Variants in EVC observed in about 807,000 individuals in gnomAD.
EVC encodes EvC ciliary complex subunit 1, also known as evC complex member EVC.
EVC carries 116 observed loss-of-function variants against 118.9 expected under a neutral mutation model. The observed-to-expected ratio is 0.98, with a 90% CI of 0.84 to 1.14. The LOEUF is 1.14. Among genes scored for constraint, EVC ranks in the 50% most tolerant of loss-of-function variants. The probability of loss-of-function intolerance (pLI) is 0.00; values close to 1 mark genes in which losing one functional copy is unlikely to be tolerated. For synonymous variants in EVC, 619 were observed against 534.7 expected (o/e 1.16, Z -2.18); for missense variants, 1,401 against 1,246.4 (o/e 1.12, Z -1.87).
chr4:5,782,030 A>T (rs1426660331), intron 11 of EVC, among the ~76,000 whole-genome samples: 1 of 152,156 alleles, frequency 6.6e-6, no homozygotes, highest in Non-Finnish European at 1.5e-5. Context: ...GCAGGGAGCC[A>T]TAAAGAATTC....
chr4:5,809,946 G>A (rs116510956), intron 19 of EVC, among the ~76,000 whole-genome samples: 1,687 of 152,300 alleles, frequency 0.011, 19 homozygotes, highest in African/African-American at 0.031. Context: ...TTTTTAACCT[G>A]GTAATGAGAG....
downstream of EVC, among the ~76,000 whole-genome samples, chr4:5,816,215 C>T (rs1310311707): frequency 6.6e-6 from 1 of 152,194 alleles, no homozygotes; most frequent in Non-Finnish European, 1.5e-5. Flanking sequence ...ACATAGCCTG[C>T]AGTCCAGCCG....
At chr4:5,772,778 G>A (rs904157709) in intron 11 of EVC, among the ~76,000 whole-genome samples, 4 of 152,086 alleles carry the variant, frequency 2.6e-5, no homozygotes, top group Non-Finnish European at 5.9e-5. Flanking sequence ...ACTTCCAGCT[G>A]ACCTCAGATG....
rs578196577 is a variant in EVC, at chr4:5,758,670, C to T, written c.1563+2308C>T. Among the ~76,000 whole-genome samples the T allele has an allele frequency of 2.9e-3, 437 of 152,280 alleles. 1 individual carries two copies. The highest frequency in any genetic ancestry group is 4.2e-3 in the Non-Finnish European group (283 of 68,022). On this transcript the variant is annotated intron_variant, in intron 11 of 20. Transcript: ENST00000264956. Reference sequence around the variant, plus strand: ...GTGTGACCTTGGCTGGTTACATAACCTGTCTGTGCTGGCCCATGTATCTTG... The same window carrying T: ...GTGTGACCTTGGCTGGTTACATAACTTGTCTGTGCTGGCCCATGTATCTTG...
At chr4:5,729,209 T>G in intron 2 of EVC, 98 bp from the exon 3 acceptor site, 2 of 1,062,188 alleles carry the variant, frequency 1.9e-6, no homozygotes, top group East Asian at 4.7e-5. Flanking sequence ...TTTCTGAGGC[T>G]GCTATTACAA....
At chr4:5,734,063 G>T (rs369319422) in intron 5 of EVC, among the ~76,000 whole-genome samples, 195 of 152,344 alleles carry the variant, frequency 1.3e-3, no homozygotes, top group African/African-American at 4.5e-3. Context: ...TCTGCCAGAT[G>T]CACCTGGCCT....
chr4:5,744,148 C>T (rs1474667392), intron 6 of EVC, among the ~76,000 whole-genome samples: 2 of 152,176 alleles, frequency 1.3e-5, no homozygotes, highest in African/African-American at 4.8e-5. Context: ...CAGAAGAGGA[C>T]AAGGAGTGCC....
At chr4:5,759,857 G>A (rs550035745) in intron 11 of EVC, among the ~76,000 whole-genome samples, 140 of 152,326 alleles carry the variant, frequency 9.2e-4, no homozygotes, top group African/African-American at 3.3e-3. Context: ...GACGACACGC[G>A]CCCAAGGGGG....
chr4:5,735,908 G>A (rs1194797148), intron 5 of EVC, among the ~76,000 whole-genome samples: 1 of 152,178 alleles, frequency 6.6e-6, no homozygotes, highest in Non-Finnish European at 1.5e-5. Flanking sequence ...CGTGTGCTGG[G>A]ACTGTAAGAA....
the EVC span, chr4:5,826,783 T>C: frequency 0.34 from 51,381 of 152,592 alleles, 14,113 homozygotes; most frequent in African/African-American, 0.77. Context: ...ACCCCAGGCC[T>C]GGCTCCCTCC....
intron 15 of EVC, 173 bp from the exon 16 acceptor site, chr4:5,801,777 C>T (rs573835297): frequency 4.4e-6 from 3 of 680,330 alleles, no homozygotes; most frequent in East Asian, 5.6e-5. Context: ...AGATAGGATT[C>T]CCATGACTAG....
In EVC at chr4:5,798,556, G is replaced by A; in HGVS notation, c.2098-30G>A. 1 of 1,547,932 alleles carries A rather than the reference G, an allele frequency of 6.5e-7. No homozygotes were observed. The highest frequency in any genetic ancestry group is 8.7e-7 in the Non-Finnish European group (1 of 1,145,570). ...GAGCTTCTCTGTGAGAGGAGCACTT[G>A]GCCCCTGCTCCCAGTCCTTTCCCTC... is the stretch of plus-strand genomic sequence containing the variant. On this transcript the variant is annotated intron_variant, in intron 14 of 20. Transcript: ENST00000264956. This position sits in a 1 kb window ranked among gnomAD's most constrained non-coding sequence, Gnocchi z 4.1.
chr4:5,828,954 G>A, the EVC span, among the ~76,000 whole-genome samples: 1 of 152,014 alleles, frequency 6.6e-6, no homozygotes. Flanking sequence ...TATGCAATGT[G>A]GCTGCTTTGA....
At chr4:5,745,605 C>T (rs1412919658) in intron 7 of EVC, among the ~76,000 whole-genome samples, 6 of 152,168 alleles carry the variant, frequency 3.9e-5, no homozygotes, top group Non-Finnish European at 2.9e-5. Flanking sequence ...TCATTCAAAG[C>T]AAAGGTTGCT....
intron 11 of EVC, among the ~76,000 whole-genome samples, chr4:5,758,685 C>G (rs906784669): frequency 6.6e-6 from 1 of 152,110 alleles, no homozygotes; most frequent in Non-Finnish European, 1.5e-5. Context: ...TGTGCTGGCC[C>G]ATGTATCTTG....
chr4:5,802,812 T>C (rs985860776), intron 16 of EVC, among the ~76,000 whole-genome samples: 1 of 152,178 alleles, frequency 6.6e-6, no homozygotes, highest in African/African-American at 2.4e-5. Flanking sequence ...CTTCGCTCAC[T>C]CATCTGCCGC....
intron 12 of EVC, among the ~76,000 whole-genome samples, chr4:5,790,108 G>A (rs911788815): frequency 1.3e-4 from 20 of 148,182 alleles, no homozygotes; most frequent in African/African-American, 4.9e-4. Context: ...TTGAACTCGG[G>A]AAGCGGAGGT....
chr4:5,773,129 T>C (rs1290762313), intron 11 of EVC, among the ~76,000 whole-genome samples: 1 of 152,184 alleles, frequency 6.6e-6, no homozygotes, highest in Non-Finnish European at 1.5e-5. Context: ...AGGAGACATT[T>C]GCAAAATGAA....
chr4:5,753,705 A>G, intron 9 of EVC, 80 bp from the exon 10 acceptor site: 2 of 1,579,614 alleles, frequency 1.3e-6, no homozygotes, highest in Non-Finnish European at 1.7e-6. Context: ...CAACCTCCAG[A>G]CAGGAGAAAG....
Sources: allele counts gnomAD v4.1 joint callset (sites outside exome capture counted in the v4.1 genomes callset), GRCh38; gene constraint gnomAD v4.1.1; non-coding constraint Gnocchi (gnomAD v3.1); transcripts MANE v1.5; gene names NCBI Gene and HGNC (gene_info 2026-07-23, HGNC 2026-07-21).